EXT1: variants seen among roughly 807,000 people sequenced by gnomAD.
EXT1 encodes exostosin glycosyltransferase 1.
In EXT1, 20 loss-of-function variants were observed where a neutral mutation model predicts 82.5. The observed-to-expected ratio is 0.24, with a 90% CI of 0.17 to 0.35. The LOEUF is 0.35. Among genes scored for constraint, EXT1 ranks in the 10% least tolerant of loss-of-function variants. The pLI, the probability that EXT1 is intolerant of heterozygous loss-of-function variation, is 1.00. For missense variants in EXT1, 757 were observed against 936.5 expected (o/e 0.81, Z 2.50); for synonymous variants, 348 against 350.8 (o/e 0.99, Z 0.09).
rs116084431 is a variant in EXT1 at position 118,077,815 on chromosome 8, T to C, written c.962+32270A>G. Among the ~76,000 whole-genome samples, 547 of 152,292 alleles carry C rather than the reference T, an allele frequency of 3.6e-3. 2 individuals carry two copies. Among genetic ancestry groups the C allele is most frequent in the African/African-American group, 0.013 (530 of 41,558 alleles). Reference sequence around the variant, plus strand: ...TAACAAATATTCTTTATATTTTCATTAACAACACTTTCACATTCACTACAA... The same window carrying C: ...TAACAAATATTCTTTATATTTTCATCAACAACACTTTCACATTCACTACAA... On this transcript the variant is annotated intron_variant, in intron 1 of 10. Transcript: ENST00000378204.
intron 1 of EXT1, among the ~76,000 whole-genome samples, chr8:117,900,854 T>C (rs1813433521): frequency 6.6e-6 from 1 of 152,242 alleles, no homozygotes; most frequent in Non-Finnish European, 1.5e-5. Context: ...AGCTACCATT[T>C]ATTGGTACTT....
In EXT1 at chr8:117,956,622, T is replaced by A. The variant is rs544756499; in HGVS notation, c.963-119421A>T. ...CATACCTGGCTAATTTTTTTTTGTA[T>A]TTTTAGTAGAGACAAGGTTTCACCA... On this transcript the variant is annotated intron_variant, in intron 1 of 10. Coordinates refer to ENST00000378204, the MANE Select transcript of EXT1 (RefSeq NM_000127.3). 9.2e-5 allele frequency among the ~76,000 whole-genome samples: 14 copies of A among 152,234 alleles called. No homozygotes were observed. The South Asian group carries it at 2.5e-3, about 27-fold the overall frequency.
intron 1 of EXT1, among the ~76,000 whole-genome samples, chr8:117,944,050 T>C (rs1214695872): frequency 2.0e-5 from 3 of 152,160 alleles, no homozygotes; most frequent in Non-Finnish European, 4.4e-5. Flanking sequence ...AGATCAAAAG[T>C]GTGTGGCTGG....
In EXT1 at chr8:117,923,499, C is replaced by T. The variant is rs189840596; in HGVS notation, c.963-86298G>A. ...TTGGGAGGCCAAGGCGGGCAGATCA[C>T]GAGGTCAGGAGATCGAGACCATCCT... On this transcript the variant is annotated intron_variant, in intron 1 of 10. Coordinates refer to ENST00000378204, the MANE Select transcript of EXT1 (RefSeq NM_000127.3). 2.4e-4 allele frequency among the ~76,000 whole-genome samples: 36 copies of T among 151,122 alleles called. No individual in the cohort carries two copies. The East Asian group carries it at 5.3e-3, about 22-fold the overall frequency.
chr8:118,102,019 T>C (rs1041362547), intron 1 of EXT1, among the ~76,000 whole-genome samples: 1 of 150,454 alleles, frequency 6.6e-6, no homozygotes, highest in Non-Finnish European at 1.5e-5. Flanking sequence ...GTAATCCCAG[T>C]ACTTTGGGAG....
intron 1 of EXT1, among the ~76,000 whole-genome samples, chr8:117,870,849 A>ACACACACACACACACACAC (rs1563586218): frequency 2.0e-5 from 3 of 151,806 alleles, no homozygotes; most frequent in African/African-American, 7.3e-5. Flanking sequence ...ACACACACAC[A>ACACACACACACACACACAC]AAAGATTGAA....
Position 117,898,358 on chromosome 8 carries a change from G to A in EXT1, c.963-61157C>T, listed in dbSNP as rs1813380808. On this transcript the variant is annotated intron_variant, in intron 1 of 10. Transcript: ENST00000378204. ...ACACTGTCCCAGGCAAGGCCAGCCTGGGGATGTTCTAGATGTTCACTCTTT... is the reference window on the plus strand; with the variant it reads ...ACACTGTCCCAGGCAAGGCCAGCCTAGGGATGTTCTAGATGTTCACTCTTT... Among the ~76,000 whole-genome samples, 4 of 152,308 alleles carry A rather than the reference G, an allele frequency of 2.6e-5. No homozygotes were observed. The Middle Eastern group carries it at 0.01, about 389-fold the overall frequency.
At chr8:117,848,638 G>C (rs2129823140) in intron 1 of EXT1, among the ~76,000 whole-genome samples, 1 of 152,246 alleles carries the variant, frequency 6.6e-6, no homozygotes, top group Middle Eastern at 3.4e-3. Context: ...TGAGCACTGG[G>C]ACGCCATGAA....
intron 1 of EXT1, among the ~76,000 whole-genome samples, chr8:117,963,243 T>G (rs1017958588): frequency 9.2e-5 from 14 of 152,294 alleles, no homozygotes; most frequent in African/African-American, 3.4e-4. Context: ...TGCAGGCAGC[T>G]GTGGTTTTCC....
intron 1 of EXT1, among the ~76,000 whole-genome samples, chr8:117,961,990 T>C (rs1279926607): frequency 2.0e-5 from 3 of 152,154 alleles, no homozygotes; most frequent in Non-Finnish European, 2.9e-5. Flanking sequence ...AAATGGTACC[T>C]CATGTATTAA....
intron 1 of EXT1, among the ~76,000 whole-genome samples, chr8:117,896,790 T>G (rs1386198262): frequency 6.6e-6 from 1 of 152,220 alleles, no homozygotes; most frequent in Non-Finnish European, 1.5e-5. Context: ...CTTCAAAGTC[T>G]TCTTAATTAC....
intron 1 of EXT1, among the ~76,000 whole-genome samples, chr8:118,010,108 ATATAAG>A (rs1289587833): frequency 6.6e-6 from 1 of 152,142 alleles, no homozygotes; most frequent in Admixed American, 6.5e-5. Flanking sequence ...AGTTGGCAGG[ATATAAG>A]TATATTTTCA....
At chr8:118,056,116 G>C (rs918118733) in intron 1 of EXT1, among the ~76,000 whole-genome samples, 53 of 152,172 alleles carry the variant, frequency 3.5e-4, no homozygotes, top group African/African-American at 1.3e-3. Flanking sequence ...TTTTTTAAAA[G>C]TTTACGAATT....
At chr8:118,048,432 T>C (rs781485137) in intron 1 of EXT1, among the ~76,000 whole-genome samples, 3 of 152,236 alleles carry the variant, frequency 2.0e-5, no homozygotes, top group African/African-American at 7.2e-5. Flanking sequence ...GATAGGTCTC[T>C]AAGGTATCAC....
intron 1 of EXT1, among the ~76,000 whole-genome samples, chr8:117,949,853 T>C (rs924970997): frequency 7.9e-5 from 12 of 152,160 alleles, no homozygotes; most frequent in Non-Finnish European, 1.8e-4. Context: ...ATTTGACAAA[T>C]GACATTATGC....
intron 1 of EXT1, among the ~76,000 whole-genome samples, chr8:118,061,597 C>G (rs753976144): frequency 2.0e-5 from 3 of 152,200 alleles, no homozygotes; most frequent in Non-Finnish European, 4.4e-5. Context: ...ATGATGGCCT[C>G]CACACATCTG....
intron 1 of EXT1, among the ~76,000 whole-genome samples, chr8:117,971,577 G>A (rs888370809): frequency 6.6e-6 from 1 of 152,176 alleles, no homozygotes; most frequent in African/African-American, 2.4e-5. Flanking sequence ...GATTAAATTC[G>A]AAGTTTATAA....
intron 1 of EXT1, among the ~76,000 whole-genome samples, chr8:117,994,344 G>A (rs1815493593): frequency 6.6e-6 from 1 of 152,190 alleles, no homozygotes; most frequent in South Asian, 2.1e-4. Context: ...GGGCACAGTT[G>A]CTCACACCTG....
At chr8:117,891,568 G>A (rs1032008194) in intron 1 of EXT1, among the ~76,000 whole-genome samples, 1 of 152,082 alleles carries the variant, frequency 6.6e-6, no homozygotes, top group Non-Finnish European at 1.5e-5. Flanking sequence ...GAGTGGGTGT[G>A]ATCAAAATCA....
Sources: gnomAD v4.1 joint callset for allele counts (sites outside exome capture counted in the v4.1 genomes callset) on GRCh38, gnomAD v4.1.1 for gene constraint, MANE v1.5 for transcripts, NCBI Gene and HGNC (gene_info 2026-07-23, HGNC 2026-07-21) for gene names.